Variants in RGS6 observed in about 807,000 individuals in gnomAD.
RGS6 encodes regulator of G-protein signaling 6.
RGS6 carries 30 observed loss-of-function variants against 78.5 expected under a neutral mutation model. The observed-to-expected ratio is 0.38, with a 90% CI of 0.29 to 0.52. RGS6 has a LOEUF of 0.52. RGS6 is among the 20% of genes least tolerant of loss of function. The probability of loss-of-function intolerance (pLI) is 0.85; values close to 1 mark genes in which losing one functional copy is unlikely to be tolerated. For missense variants in RGS6, 495 were observed against 609.7 expected, an observed-to-expected ratio of 0.81 and a Z score of 1.98; for synonymous variants, 206 against 206.0, an observed-to-expected ratio of 1.00 and a Z score of 0.00.
chr14:72,303,266 G>T (rs1025848312), intron 2 of RGS6, among the ~76,000 whole-genome samples: 1 of 152,128 alleles, frequency 6.6e-6, no homozygotes, highest in Admixed American at 6.5e-5. Context: ...TTTGGGAGGC[G>T]GATGCGGGTG....
chr14:72,255,960 A>G (rs1567592378), intron 2 of RGS6, among the ~76,000 whole-genome samples: 1 of 152,180 alleles, frequency 6.6e-6, no homozygotes, highest in African/African-American at 2.4e-5. Context: ...GAAACGTGCA[A>G]CTTCTTTGAA....
chr14:72,471,126 C>A (rs991070736), intron 8 of RGS6, among the ~76,000 whole-genome samples: 7 of 152,198 alleles, frequency 4.6e-5, no homozygotes, highest in African/African-American at 1.7e-4. Flanking sequence ...TCTTCAATTT[C>A]TTCTTTCAAG....
At chr14:71,921,087 C>G in the RGS6 span, among the ~76,000 whole-genome samples, 6 of 152,138 alleles carry the variant, frequency 3.9e-5, no homozygotes, top group African/African-American at 1.4e-4. Flanking sequence ...AAATAGCCAA[C>G]TGGTATATGA....
intron 2 of RGS6, among the ~76,000 whole-genome samples, chr14:72,184,103 T>G (rs1035773372): frequency 6.6e-6 from 1 of 152,138 alleles, no homozygotes; most frequent in Non-Finnish European, 1.5e-5. Context: ...CCCTACACCT[T>G]GCCTCTACTT....
the RGS6 span, among the ~76,000 whole-genome samples, chr14:71,923,067 C>T: frequency 6.6e-6 from 1 of 152,082 alleles, no homozygotes; most frequent in Non-Finnish European, 1.5e-5. Flanking sequence ...AGCCTTTTTC[C>T]AAAAGCCCCC....
At chr14:72,238,173 C>T (rs946646135) in intron 2 of RGS6, among the ~76,000 whole-genome samples, 5 of 152,130 alleles carry the variant, frequency 3.3e-5, no homozygotes, top group South Asian at 2.1e-4. Context: ...GAAGTTAAGC[C>T]GCATCTGTTT....
chr14:71,970,724 A>G (rs768780397), intron 2 of RGS6, among the ~76,000 whole-genome samples: 8 of 152,190 alleles, frequency 5.3e-5, no homozygotes, highest in Non-Finnish European at 1.0e-4. Flanking sequence ...GATGCTAGGA[A>G]TGCAAGATGA....
At chr14:72,061,505 C>G (rs2093892422) in intron 2 of RGS6, among the ~76,000 whole-genome samples, 1 of 152,054 alleles carries the variant, frequency 6.6e-6, no homozygotes, top group South Asian at 2.1e-4. Context: ...AAGAGACAAG[C>G]TGATTATAGC....
chr14:72,026,634 G>T (rs778256964), intron 2 of RGS6, among the ~76,000 whole-genome samples: 1 of 152,136 alleles, frequency 6.6e-6, no homozygotes, highest in African/African-American at 2.4e-5. Context: ...GTCAACCCAC[G>T]TGTGCCTCTG....
chr14:72,495,085 G>A (rs1444329711), intron 12 of RGS6, 67 bp from the exon 13 acceptor site: 3 of 952,150 alleles, frequency 3.2e-6, no homozygotes, highest in Non-Finnish European at 5.2e-6. Flanking sequence ...TAATGTTTGT[G>A]TAAAACAGAA....
intron 2 of RGS6, among the ~76,000 whole-genome samples, chr14:72,178,734 C>T (rs778052210): frequency 9.9e-5 from 15 of 152,152 alleles, no homozygotes; most frequent in Non-Finnish European, 1.9e-4. Flanking sequence ...ACCTAAATTG[C>T]AGGGTCGTGG....
At chr14:72,580,349 G>T in the RGS6 span, among the ~76,000 whole-genome samples, 1 of 145,326 alleles carries the variant, frequency 6.9e-6, no homozygotes, top group Non-Finnish European at 1.5e-5. Context: ...TGCCCTGCAG[G>T]AGAGAAGCAA....
intron 2 of RGS6, among the ~76,000 whole-genome samples, chr14:72,027,082 AG>A (rs2090007547): frequency 6.6e-6 from 1 of 151,970 alleles, no homozygotes. Flanking sequence ...GTAGAAGAGG[AG>A]GCTGGAGAGG....
At chr14:71,905,466 A>C in the RGS6 span, among the ~76,000 whole-genome samples, 3 of 152,254 alleles carry the variant, frequency 2.0e-5, no homozygotes, top group East Asian at 5.8e-4. Context: ...CAAGATATTT[A>C]AACATTTTCC....
At chr14:72,571,038 A>G (rs1244501135), downstream of RGS6, among the ~76,000 whole-genome samples, 1 of 152,198 alleles carries the variant, frequency 6.6e-6, no homozygotes, top group Non-Finnish European at 1.5e-5. Context: ...AGTTTCAAGT[A>G]AGTGAAAGTC....
downstream of RGS6, chr14:72,566,629 T>TCTCACACACACACACA (rs1349119393): frequency 2.8e-5 from 3 of 105,834 alleles, no homozygotes; most frequent in African/African-American, 1.2e-4. Context: ...TTCCCCATTA[T>TCTCACACACACACACA]CACACACACA....
At chr14:71,896,189 G>A in the RGS6 span, among the ~76,000 whole-genome samples, 10 of 152,110 alleles carry the variant, frequency 6.6e-5, no homozygotes, top group Non-Finnish European at 2.9e-5. Context: ...AAATAATTCA[G>A]GTCAACTCCA....
intron 3 of RGS6, among the ~76,000 whole-genome samples, chr14:72,450,418 T>C (rs1166148671): frequency 6.6e-6 from 1 of 152,190 alleles, no homozygotes; most frequent in Non-Finnish European, 1.5e-5. Context: ...ATCATAAATA[T>C]ATCCTTAAAT....
At chr14:72,547,437 T>G in intron 17 of RGS6, 2 of 918,490 alleles carry the variant, frequency 2.2e-6, no homozygotes, top group Non-Finnish European at 3.3e-6. Context: ...AGGGGATGCT[T>G]CCCCCTTTTA....
Sources: gnomAD v4.1 joint callset for allele counts (sites outside exome capture counted in the v4.1 genomes callset) on GRCh38, gnomAD v4.1.1 for gene constraint, MANE v1.5 for transcripts, NCBI Gene and HGNC (gene_info 2026-07-23, HGNC 2026-07-21) for gene names.